Variants in DLC1 observed in about 807,000 individuals in gnomAD.
DLC1 encodes rho GTPase-activating protein 7.
A neutral mutation model predicts 140.3 loss-of-function variants in DLC1; 54 were observed. The ratio of observed to expected loss-of-function variants is 0.38; its 90% CI spans 0.31 to 0.48. DLC1 has a LOEUF of 0.48. Among genes scored for constraint, DLC1 ranks in the 20% least tolerant of loss-of-function variants. The pLI is 0.96. For synonymous variants in DLC1, 986 were observed against 728.1 expected (o/e 1.35, Z -5.70); for missense variants, 2,536 against 1,907.0 (o/e 1.33, Z -6.14).
intron 4 of DLC1, among the ~76,000 whole-genome samples, chr8:13,327,330 A>G (rs550872411): frequency 6.6e-6 from 1 of 152,192 alleles, no homozygotes; most frequent in South Asian, 2.1e-4. Flanking sequence ...CCCAAATGGG[A>G]TCTGACCAAG....
At chr8:13,257,105 A>C (rs1282593466) in intron 5 of DLC1, among the ~76,000 whole-genome samples, 2 of 152,054 alleles carry the variant, frequency 1.3e-5, no homozygotes, top group African/African-American at 4.8e-5. Flanking sequence ...CTTCTGTAGC[A>C]CTGCAATCAG....
chr8:13,246,461 C>A (rs572971724), intron 5 of DLC1, among the ~76,000 whole-genome samples: 1 of 151,956 alleles, frequency 6.6e-6, no homozygotes, highest in Non-Finnish European at 1.5e-5. Flanking sequence ...CTTTTTTCTG[C>A]GTAGATTCAC....
chr8:13,455,527 C>T (rs1414008286), intron 2 of DLC1, among the ~76,000 whole-genome samples: 3 of 152,140 alleles, frequency 2.0e-5, no homozygotes, highest in East Asian at 1.9e-4. Flanking sequence ...GCAAGCTATT[C>T]GGGAAGACTC....
At chr8:13,177,378 A>T (rs1019150893) in intron 5 of DLC1, among the ~76,000 whole-genome samples, 1 of 152,120 alleles carries the variant, frequency 6.6e-6, no homozygotes, top group Non-Finnish European at 1.5e-5. Flanking sequence ...CAGAAATGAA[A>T]TTTTTCATTG....
At chr8:13,580,285 G>A (rs1805045068) in intron 1 of DLC1, among the ~76,000 whole-genome samples, 2 of 152,140 alleles carry the variant, frequency 1.3e-5, no homozygotes, top group East Asian at 3.9e-4. Context: ...ACCACGCGCG[G>A]CTAATTTTTG....
chr8:13,587,597 C>A (rs530461717), intron 1 of DLC1, among the ~76,000 whole-genome samples: 2 of 67,382 alleles, frequency 3.0e-5, no homozygotes, highest in African/African-American at 5.8e-5. Flanking sequence ...TATATATATA[C>A]ATTGCATATA....
At chr8:13,567,938 A>G in intron 1 of DLC1, 2 of 1,547,446 alleles carry the variant, frequency 1.3e-6, no homozygotes, top group Non-Finnish European at 1.7e-6. Flanking sequence ...GTGATTGTTA[A>G]TGATAATGTG....
chr8:13,493,387 C>A (rs542209382), intron 2 of DLC1, among the ~76,000 whole-genome samples: 2 of 152,144 alleles, frequency 1.3e-5, no homozygotes, highest in South Asian at 4.1e-4. Context: ...GTTTTCATTT[C>A]TTGTTTTAAT....
intron 5 of DLC1, among the ~76,000 whole-genome samples, chr8:13,195,982 G>C (rs1030779328): frequency 1.6e-4 from 25 of 152,166 alleles, no homozygotes; most frequent in African/African-American, 6.0e-4. Context: ...GAAGAGAAAA[G>C]AAATAATGTA....
At chr8:13,534,921 A>G (rs1476896611) in intron 1 of DLC1, among the ~76,000 whole-genome samples, 1 of 152,108 alleles carries the variant, frequency 6.6e-6, no homozygotes, top group African/African-American at 2.4e-5. Flanking sequence ...ACACTGGCCC[A>G]CACTCCTCTA....
rs1481679 is a variant in DLC1, at chr8:13,385,575, A to G, written c.1314+7978T>C. Among the ~76,000 whole-genome samples the G allele has an allele frequency of 0.039, 5,931 of 152,316 alleles. 806 individuals are homozygous for G. The East Asian group carries it at 0.43, about 11-fold the overall frequency. On this transcript the variant is annotated intron_variant, in intron 4 of 17. Coordinates refer to ENST00000276297, the MANE Select transcript of DLC1 (RefSeq NM_182643.3). Reference sequence around the variant, plus strand: ...GGTGGCATCTTAGGACTTTATGAGGATACAGAGTAAACAATTCCTTTACTT... The same window carrying G: ...GGTGGCATCTTAGGACTTTATGAGGGTACAGAGTAAACAATTCCTTTACTT...
At chr8:13,312,154 G>A (rs1832691956) in intron 4 of DLC1, among the ~76,000 whole-genome samples, 3 of 129,686 alleles carry the variant, frequency 2.3e-5, no homozygotes, top group South Asian at 2.8e-4. Flanking sequence ...GAGGTCAGGA[G>A]ATCGAGACCA....
intron 5 of DLC1, among the ~76,000 whole-genome samples, chr8:13,149,418 G>A (rs1043012560): frequency 9.2e-5 from 14 of 151,994 alleles, no homozygotes; most frequent in South Asian, 2.1e-4. Flanking sequence ...TCTTTCCCTC[G>A]GACAAACTAT....
At chr8:13,167,925 G>C (rs1366237255) in intron 5 of DLC1, among the ~76,000 whole-genome samples, 1 of 152,162 alleles carries the variant, frequency 6.6e-6, no homozygotes, top group Non-Finnish European at 1.5e-5. Context: ...TTCTATGACT[G>C]ACAATGTACA....
intron 5 of DLC1, among the ~76,000 whole-genome samples, chr8:13,161,547 C>T (rs904175862): frequency 2.6e-5 from 4 of 152,014 alleles, no homozygotes; most frequent in Non-Finnish European, 5.9e-5. Context: ...GCTTTGTTGC[C>T]GCTGGTCTTG....
At chr8:13,419,603 C>G (rs529651358) in intron 2 of DLC1, among the ~76,000 whole-genome samples, 4 of 152,102 alleles carry the variant, frequency 2.6e-5, no homozygotes, top group Non-Finnish European at 4.4e-5. Context: ...TGTGCTGCTG[C>G]ATTCTGTTTG....
At chr8:13,533,293 G>A (rs561059900) in intron 1 of DLC1, among the ~76,000 whole-genome samples, 1 of 151,658 alleles carries the variant, frequency 6.6e-6, no homozygotes, top group South Asian at 2.1e-4. Flanking sequence ...ATTTTTCATT[G>A]TGAGAAGACA....
Position 13,338,242 on chromosome 8 carries a change from A to T in DLC1, c.1315-32940T>A, listed in dbSNP as rs554829566. Among the ~76,000 whole-genome samples the T allele has an allele frequency of 7.9e-4, 121 of 152,274 alleles. 1 individual carries two copies. Among genetic ancestry groups the T allele is most frequent in the Non-Finnish European group, 1.4e-3 (94 of 68,018 alleles). On this transcript the variant is annotated intron_variant, in intron 4 of 17. Transcript: ENST00000276297. ...TCAACCAGTCACAGGTTTGTGGGAA[A>T]ATCAAGTGAGACAATTTACGTTACA...
At chr8:13,200,986 C>G (rs1176961648) in intron 5 of DLC1, among the ~76,000 whole-genome samples, 1 of 152,046 alleles carries the variant, frequency 6.6e-6, no homozygotes, top group Non-Finnish European at 1.5e-5. Flanking sequence ...AGAACACACA[C>G]AAAAAATGGA....
Sources: gnomAD v4.1 joint callset for allele counts (sites outside exome capture counted in the v4.1 genomes callset) on GRCh38, gnomAD v4.1.1 for gene constraint, MANE v1.5 for transcripts, NCBI Gene and HGNC (gene_info 2026-07-23, HGNC 2026-07-21) for gene names.